The following CAST variants were observed in gnomAD, a reference collection of about 807,000 sequenced individuals.
The protein encoded by CAST is MIR583 host.
In CAST, 76 loss-of-function variants were observed where a neutral mutation model predicts 119.6. The observed-to-expected ratio is 0.64, with a 90% confidence interval of 0.53 to 0.77. The LOEUF is 0.77. Among genes scored for constraint, CAST ranks in the 30% least tolerant of loss-of-function variants. CAST has a pLI of 0.00. For missense variants in CAST, 953 were observed against 946.5 expected, an observed-to-expected ratio of 1.01 and a Z score of -0.09; for synonymous variants, 319 against 331.6, an observed-to-expected ratio of 0.96 and a Z score of 0.41.
chr5:96,238,366 C>CTTCTTCTTCTTCTTCTTCTTCTTCTTCTT, the CAST span, among the ~76,000 whole-genome samples: 1 of 23,210 alleles, frequency 4.3e-5, no homozygotes, highest in African/African-American at 1.1e-4. Context: ...TTCTTCTTCT[C>CTTCTTCTTCTTCTTCTTCTTCTTCTTCTT]CTTCTTCTCC....
the CAST span, among the ~76,000 whole-genome samples, chr5:95,966,165 G>A: frequency 6.6e-6 from 1 of 152,268 alleles, no homozygotes; most frequent in African/African-American, 2.4e-5. Flanking sequence ...AATTGAAAGT[G>A]TGTTTGTAGA....
intron 1 of CAST, among the ~76,000 whole-genome samples, chr5:96,651,591 A>G (rs908718653): frequency 1.3e-5 from 2 of 152,104 alleles, no homozygotes; most frequent in South Asian, 2.1e-4. Flanking sequence ...GAAGAAAGAG[A>G]CTGAGGTTCT....
At chr5:96,057,783 C>T in the CAST span, among the ~76,000 whole-genome samples, 26 of 152,256 alleles carry the variant, frequency 1.7e-4, no homozygotes, top group Admixed American at 1.7e-3. Context: ...ATATTTTCTG[C>T]ATGAAATGTT....
the CAST span, among the ~76,000 whole-genome samples, chr5:96,226,169 C>T: frequency 6.6e-6 from 1 of 152,184 alleles, no homozygotes; most frequent in South Asian, 2.1e-4. Flanking sequence ...GTTGTAGCTG[C>T]AGAGAATCAA....
At chr5:96,110,903 A>G in the CAST span, 1 of 152,184 alleles carries the variant, frequency 6.6e-6, no homozygotes, top group African/African-American at 2.4e-5. Context: ...TGCTCACAAC[A>G]TTTCTGACAC....
chr5:96,375,293 C>T, the CAST span, among the ~76,000 whole-genome samples: 1 of 152,088 alleles, frequency 6.6e-6, no homozygotes, highest in Admixed American at 6.5e-5. Flanking sequence ...TCAACTTCCC[C>T]TATAGCTGTA....
At chr5:95,995,411 T>C in the CAST span, among the ~76,000 whole-genome samples, 113 of 152,258 alleles carry the variant, frequency 7.4e-4, 1 homozygote, top group African/African-American at 2.1e-3. Context: ...TATAATGTTT[T>C]GATTTGAGCT....
chr5:96,075,869 A>AT, the CAST span, among the ~76,000 whole-genome samples: 2 of 152,116 alleles, frequency 1.3e-5, no homozygotes, highest in Admixed American at 6.6e-5. Flanking sequence ...AAATAAAATA[A>AT]TTTTTTCCCT....
intron 1 of CAST, among the ~76,000 whole-genome samples, chr5:96,575,904 A>G (rs1319066220): frequency 6.6e-6 from 1 of 152,098 alleles, no homozygotes; most frequent in African/African-American, 2.4e-5. Context: ...CGGCCTCCCA[A>G]ATTGCTAGGG....
chr5:96,336,850 G>C, the CAST span, among the ~76,000 whole-genome samples: 3 of 152,112 alleles, frequency 2.0e-5, no homozygotes, highest in African/African-American at 7.2e-5. Context: ...TGAGGACTTA[G>C]ATTTCATGTC....
the CAST span, among the ~76,000 whole-genome samples, chr5:96,269,070 C>T: frequency 6.6e-5 from 10 of 152,236 alleles, no homozygotes; most frequent in African/African-American, 2.4e-4. Context: ...TCCTGAGGCC[C>T]CTCTAGCCAT....
At chr5:96,162,036 T>C in the CAST span, among the ~76,000 whole-genome samples, 1 of 152,246 alleles carries the variant, frequency 6.6e-6, no homozygotes, top group South Asian at 2.1e-4. Flanking sequence ...ATTTTCTGTA[T>C]ACAAGATCAT....
chr5:95,971,641 C>T, the CAST span, among the ~76,000 whole-genome samples: 1 of 152,192 alleles, frequency 6.6e-6, no homozygotes, highest in Non-Finnish European at 1.5e-5. Context: ...CTAACAACTA[C>T]TGATCTATTT....
At chr5:96,374,131 C>CCA in the CAST span, among the ~76,000 whole-genome samples, 1 of 152,154 alleles carries the variant, frequency 6.6e-6, no homozygotes, top group Non-Finnish European at 1.5e-5. Context: ...TTGCCAGCTA[C>CCA]TCAGATAAAC....
At chr5:96,712,240 G>C (rs992502195) in intron 3 of CAST, among the ~76,000 whole-genome samples, 7 of 152,206 alleles carry the variant, frequency 4.6e-5, no homozygotes, top group African/African-American at 9.7e-5. Flanking sequence ...ATTTGCTCAA[G>C]GTCACACAAT....
At chr5:96,308,211 A>G in the CAST span, among the ~76,000 whole-genome samples, 5 of 151,242 alleles carry the variant, frequency 3.3e-5, no homozygotes, top group East Asian at 3.9e-4. Context: ...TTGATCTTCA[A>G]TCTCTGATAG....
chr5:96,160,345 A>C, the CAST span, among the ~76,000 whole-genome samples: 479 of 152,218 alleles, frequency 3.1e-3, 1 homozygote, highest in Non-Finnish European at 3.8e-3. Context: ...AACATTTAAC[A>C]TAACCAGACT....
intron 1 of CAST, among the ~76,000 whole-genome samples, chr5:96,532,188 A>C (rs1312027948): frequency 6.6e-6 from 1 of 152,168 alleles, no homozygotes; most frequent in Non-Finnish European, 1.5e-5. Context: ...AATGATAGAA[A>C]ATAAATTATC....
intron 1 of CAST, among the ~76,000 whole-genome samples, chr5:96,634,831 AAAC>A (rs1281305715): frequency 1.3e-5 from 2 of 152,212 alleles, no homozygotes; most frequent in Non-Finnish European, 2.9e-5. Context: ...TTGTGACTAA[AAAC>A]AACAACAACA....
Sources: allele counts gnomAD v4.1 joint callset (sites outside exome capture counted in the v4.1 genomes callset), GRCh38; gene constraint gnomAD v4.1.1; transcripts MANE v1.5; gene names NCBI Gene and HGNC (gene_info 2026-07-23, HGNC 2026-07-21).